Variants in SALL3 observed in about 807,000 individuals in gnomAD.
SALL3 encodes the protein sal-like protein 3.
A neutral mutation model predicts 66.2 loss-of-function variants in SALL3; 25 were observed. The ratio of observed to expected loss-of-function variants is 0.38; its 90% confidence interval spans 0.28 to 0.53. The LOEUF (loss-of-function observed/expected upper bound fraction) is 0.53, where lower values mean the gene tolerates loss of function less well. Ranked by LOEUF, SALL3 falls within the 20% of genes least tolerant of loss-of-function variation. The pLI is 0.85. For missense variants in SALL3, 2,194 were observed against 1,916.5 expected, an observed-to-expected ratio of 1.14 and a Z score of -2.70; for synonymous variants, 1,152 against 899.1, an observed-to-expected ratio of 1.28 and a Z score of -5.03.
intron 1 of SALL3, among the ~76,000 whole-genome samples, chr18:78,984,248 A>G (rs1914164761): frequency 1.3e-5 from 2 of 152,226 alleles, no homozygotes; most frequent in Non-Finnish European, 2.9e-5. Context: ...ATTCAGCAAA[A>G]GCACAACCAG....
chr18:78,986,058 T>G (rs1568289839), intron 1 of SALL3, among the ~76,000 whole-genome samples: 2 of 152,350 alleles, frequency 1.3e-5, no homozygotes, highest in East Asian at 3.9e-4. Context: ...AACATCTAAA[T>G]GAAAGAACTA....
At position 78,993,044 on chromosome 18, in the gene SALL3, G is replaced by T. The variant is rs775603354; in HGVS notation, c.1053G>T (p.Leu351=). The T allele has an allele frequency of 8.2e-6, 13 of 1,580,506 alleles. No homozygotes were observed. In the East Asian group the frequency reaches 2.5e-4, roughly 31 times the overall value. Residue 351 remains leucine (L), a synonymous_variant, in exon 2 of 3, where the codon CTG becomes CTT. Transcript: ENST00000537592. ...CGCCTGCCCTGGCCCCGGGGTCCCT[G>T]CTGGGTGCGGCGCCCGGCCTGCCAA... is the stretch of plus-strand genomic sequence containing the variant. ...STPPALAPGS[L]LGAAPGLPSP...
intron 2 of SALL3, among the ~76,000 whole-genome samples, chr18:78,996,233 G>A (rs1395230804): frequency 6.6e-6 from 1 of 152,200 alleles, no homozygotes; most frequent in Non-Finnish European, 1.5e-5. Context: ...CGAGTACTGG[G>A]TGGCTCAGGC....
In SALL3 at chr18:78,995,186, G is replaced by C. The variant is rs1184861175; in HGVS notation, c.3195G>C (p.Val1065=). 1 of 1,611,770 alleles carries C rather than the reference G, an allele frequency of 6.2e-7. No homozygotes were observed. Among genetic ancestry groups the C allele is most frequent in the African/African-American group, 1.3e-5 (1 of 74,944 alleles). Residue 1065 remains valine (V), a synonymous_variant, in exon 2 of 3, where the codon GTG becomes GTC. Transcript: ENST00000537592. ...CACCCACCATGATCAAAATGGAAGT[G>C]AACGGTCACGGCAAGGCCATGGCGC... is the stretch of plus-strand genomic sequence containing the variant. ...SAAPTMIKME[V]NGHGKAMALG... is the part of the protein sequence containing the mutation.
At chr18:78,980,855 C>G (rs1319855379) in intron 1 of SALL3, among the ~76,000 whole-genome samples, 1 of 152,164 alleles carries the variant, frequency 6.6e-6, no homozygotes, top group African/African-American at 2.4e-5. Context: ...GGGTGACCCG[C>G]GGTGTCCCAG....
At position 78,992,939 on chromosome 18, in the gene SALL3, C is replaced by T; in HGVS notation, c.948C>T (p.Ala316=). The part of the protein sequence containing the change: ...AEPSAPAAPS[A]APAPAAPAPA... ...CCAGCGCGCCCGCCGCCCCCAGCGC[C>T]GCCCCTGCCCCCGCTGCCCCCGCCC... The change falls in exon 2 of 3, where the codon GCC becomes GCT. Residue 316 remains alanine (A), a synonymous_variant. Coordinates refer to ENST00000537592, the MANE Select transcript of SALL3 (RefSeq NM_171999.4). 2 of 1,056,042 alleles carry T rather than the reference C, an allele frequency of 1.9e-6. No individual in the cohort carries two copies. The highest frequency in any genetic ancestry group is 2.3e-6 in the Non-Finnish European group (2 of 875,954). The allele number at this position is 1,056,042 out of a possible 1,614,324, so 65.4% of individuals were successfully genotyped here. A position where few individuals can be genotyped will look rare whatever the true frequency, so the allele number is the denominator to read the frequency against.
At position 78,996,921 on chromosome 18, in the gene SALL3, G is replaced by T; in HGVS notation, c.3502G>T (p.Ala1168Ser). Residue 1168 changes from alanine (A) to serine (S), a missense_variant, in exon 3 of 3, where the codon GCC (alanine) becomes TCC (serine). Coordinates refer to ENST00000537592, the MANE Select transcript of SALL3 (RefSeq NM_171999.4). ...VHMGTHMWNNAPARRGRRLSV... is the reference protein window; with the variant it reads ...VHMGTHMWNNSPARRGRRLSV... The stretch of plus-strand genomic sequence containing the variant: ...CATGGGGACACACATGTGGAATAAC[G>T]CCCCCGCGAGACGCGGCCGCCGCCT... 1.2e-6 allele frequency: 2 copies of T among 1,612,472 alleles called. No individual in the cohort carries two copies. The highest frequency in any genetic ancestry group is 1.1e-5 in the South Asian group (1 of 91,016).
In SALL3 at chr18:78,997,786, G is replaced by A. The variant is rs551518644; in HGVS notation, c.*464G>A. 1.2e-5 allele frequency: 2 copies of A among 163,624 alleles called. No homozygotes were observed. The highest frequency in any genetic ancestry group is 2.4e-5 in the African/African-American group (1 of 41,822). The allele number at this position is 163,624 out of a possible 1,614,324, so 10.1% of individuals were successfully genotyped here. ...TGCTGTGTATCATGACACTATCTTCGTCTGTAGTATTTATGATGTTAAGAT... is the reference window on the plus strand; with the variant it reads ...TGCTGTGTATCATGACACTATCTTCATCTGTAGTATTTATGATGTTAAGAT... On this transcript the variant is annotated 3_prime_UTR_variant, in exon 3 of 3. Coordinates refer to ENST00000537592, the MANE Select transcript of SALL3 (RefSeq NM_171999.4).
rs758485101 is a variant in SALL3 at position 78,993,957 on chromosome 18, A to G, written c.1966A>G (p.Met656Val). ...TCCGTTCGGGGGGCTGCTAGACTCGATGCAAACGTCGGAAACCTCGAAGCT... is the reference window on the plus strand; with the variant it reads ...TCCGTTCGGGGGGCTGCTAGACTCGGTGCAAACGTCGGAAACCTCGAAGCT... ...QFPFGGLLDS[M>V]QTSETSKLQQ... The change falls in exon 2 of 3, where the codon ATG (methionine) becomes GTG (valine). Residue 656 changes from methionine to valine, a missense_variant. Met to Val is a conservative substitution (Grantham distance 21). Transcript: ENST00000537592. 17 of 1,611,320 alleles carry G rather than the reference A, an allele frequency of 1.1e-5. No homozygotes were observed. In the East Asian group the frequency reaches 3.3e-4, roughly 32 times the overall value.
chr18:78,993,135 G>A lies in SALL3; in HGVS notation c.1144G>A (p.Ala382Thr), dbSNP rs1395433274. The A allele has an allele frequency of 1.9e-6, 3 of 1,605,466 alleles. No individual in the cohort carries two copies. The Admixed American group carries it at 5.0e-5, about 27-fold the overall frequency. Residue 382 changes from alanine (A) to threonine (T), a missense_variant, in exon 2 of 3, where the codon GCC becomes ACC. Transcript: ENST00000537592. The part of the protein sequence containing the change: ...IFPNPLVSIA[A>T]TANALDPLSA... ...CCCCAACCCGCTGGTCAGCATCGCGGCCACGGCCAACGCTCTGGACCCGCT... is the reference window on the plus strand; with the variant it reads ...CCCCAACCCGCTGGTCAGCATCGCGACCACGGCCAACGCTCTGGACCCGCT...
chr18:78,994,946 T>C lies in SALL3; in HGVS notation c.2955T>C (p.Pro985=). ...PSTVCGVCGK[P]FACKSALEIH... ...CTGTGTGTGGTGTCTGTGGCAAGCC[T>C]TTTGCTTGCAAGAGCGCGTTGGAAA... is the stretch of plus-strand genomic sequence containing the variant. Residue 985 remains proline (P), a synonymous_variant, in exon 2 of 3, where the codon CCT becomes CCC. Coordinates refer to ENST00000537592, the MANE Select transcript of SALL3 (RefSeq NM_171999.4). 1 of 1,613,650 alleles carries C rather than the reference T, an allele frequency of 6.2e-7. No individual in the cohort carries two copies. The highest frequency in any genetic ancestry group is 2.2e-5 in the East Asian group (1 of 44,856).
At chr18:78,983,839 G>T (rs966033938) in intron 1 of SALL3, among the ~76,000 whole-genome samples, 1 of 152,208 alleles carries the variant, frequency 6.6e-6, no homozygotes, top group Non-Finnish European at 1.5e-5. Flanking sequence ...ACCGGGTTGG[G>T]TGAGGGGAGA....
In SALL3 at chr18:78,994,792, A is replaced by G. The variant is rs765016389; in HGVS notation, c.2801A>G (p.Lys934Arg). 1 of 1,598,312 alleles carries G rather than the reference A, an allele frequency of 6.3e-7. No individual in the cohort carries two copies. The part of the protein sequence containing the change: ...APEEPQEIPL[K>R]TERPDSPAAA... ...GAGGAGCCCCAGGAAATCCCGCTCAAGACCGAGAGGCCGGACAGCCCAGCC... is the reference window on the plus strand; with the variant it reads ...GAGGAGCCCCAGGAAATCCCGCTCAGGACCGAGAGGCCGGACAGCCCAGCC... The change falls in exon 2 of 3, where the codon AAG (lysine) becomes AGG (arginine). Residue 934 changes from lysine to arginine, a missense_variant. Lys to Arg is a conservative substitution (Grantham distance 26). Coordinates refer to ENST00000537592, the MANE Select transcript of SALL3 (RefSeq NM_171999.4).
intron 1 of SALL3, among the ~76,000 whole-genome samples, chr18:78,986,245 AG>A (rs1914241820): frequency 6.6e-6 from 1 of 152,232 alleles, no homozygotes; most frequent in Non-Finnish European, 1.5e-5. Context: ...TTTAAGCAGA[AG>A]ACAGTTGGTG....
rs1336720461 is a variant in SALL3 at position 78,992,407 on chromosome 18, C to T, written c.416C>T (p.Ala139Val). ...KEAEPMDAEP[A>V]GDTRAPRPPP... ...GCCGAGCCCATGGACGCGGAACCCGCGGGGGACACGCGCGCGCCCCGGCCC... is the reference window on the plus strand; with the variant it reads ...GCCGAGCCCATGGACGCGGAACCCGTGGGGGACACGCGCGCGCCCCGGCCC... The change falls in exon 2 of 3, where the codon GCG becomes GTG. Residue 139 changes from alanine (A) to valine (V), a missense_variant. By Grantham distance (64) the Ala-to-Val change is moderately conservative. Transcript: ENST00000537592. 56 of 1,328,070 alleles carry T rather than the reference C, an allele frequency of 4.2e-5. No homozygotes were observed. Among genetic ancestry groups the T allele is most frequent in the Admixed American group, 1.7e-4 (4 of 23,250 alleles). 82.3% of individuals were successfully genotyped at this position (1,328,070 alleles called of 1,614,324 possible).
Position 78,980,198 on chromosome 18 carries a change from AGGCCGCCCCGCGCCGTCCCCGCC to A in SALL3, c.-65_-43del, listed in dbSNP as rs978649939. On this transcript the variant is annotated 5_prime_UTR_variant, in exon 1 of 3. An upstream open reading frame in the 5' UTR loses its in-frame stop. Transcript: ENST00000537592. ...CCGCGCCCCGCGCCGCGCGCCCGCC[AGGCCGCCCCGCGCCGTCCCCGCC>A]GGCCGCCCCGCTGATGCCGCTGCCC... The A allele has an allele frequency of 6.3e-5, 40 of 631,518 alleles. No homozygotes were observed. The South Asian group carries it at 1.0e-3, about 16-fold the overall frequency. The allele number at this position is 631,518 out of a possible 1,614,324, so 39.1% of individuals were successfully genotyped here.
chr18:78,989,615 C>G (rs566341113), intron 1 of SALL3, among the ~76,000 whole-genome samples: 1 of 152,296 alleles, frequency 6.6e-6, no homozygotes, highest in South Asian at 2.1e-4. Flanking sequence ...AAGATACACA[C>G]TTTGTAAAAC....
At position 78,993,640 on chromosome 18, in the gene SALL3, G is replaced by A; in HGVS notation, c.1649G>A (p.Ser550Asn). The A allele has an allele frequency of 6.3e-7, 1 of 1,587,378 alleles. No individual in the cohort carries two copies. Among genetic ancestry groups the A allele is most frequent in the Non-Finnish European group, 8.5e-7 (1 of 1,174,244 alleles). Residue 550 changes from serine (S) to asparagine (N), a missense_variant, in exon 2 of 3, where the codon AGC (serine) becomes AAC (asparagine). Transcript: ENST00000537592. ...GACTCTCCCAGCGCCACCCCAGCCA[G>A]CCGCTCCCCGCAGAGGCCCTCGCCC... is the stretch of plus-strand genomic sequence containing the variant. ...YADSPSATPASRSPQRPSPAS... is the reference protein window; with the variant it reads ...YADSPSATPANRSPQRPSPAS...
At position 78,995,210 on chromosome 18, in the gene SALL3, G is replaced by T; in HGVS notation, c.3219G>T (p.Ala1073=). The T allele has an allele frequency of 6.2e-7, 1 of 1,608,424 alleles. No individual in the cohort carries two copies. The highest frequency in any genetic ancestry group is 8.5e-7 in the Non-Finnish European group (1 of 1,179,896). The change falls in exon 2 of 3, where the codon GCG becomes GCT. Residue 1073 remains alanine (A), a synonymous_variant. Coordinates refer to ENST00000537592, the MANE Select transcript of SALL3 (RefSeq NM_171999.4). ...MEVNGHGKAM[A]LGEGPPLPAG... ...TGAACGGTCACGGCAAGGCCATGGC[G>T]CTGGGCGAGGGTCCCCCGCTGCCCG...
Sources: gnomAD v4.1 joint callset for allele counts (sites outside exome capture counted in the v4.1 genomes callset) on GRCh38, gnomAD v4.1.1 for gene constraint, MANE v1.5 for transcripts, NCBI Gene and HGNC (gene_info 2026-07-23, HGNC 2026-07-21) for gene names.